KCNN3: variants seen among roughly 807,000 people sequenced by gnomAD.
KCNN3 encodes potassium calcium-activated channel subfamily N member 3.
KCNN3 carries 16 observed loss-of-function variants against 62.9 expected under a neutral mutation model. The ratio of observed to expected loss-of-function variants is 0.25; its 90% CI spans 0.17 to 0.39. The LOEUF (loss-of-function observed/expected upper bound fraction) is 0.39, where lower values mean the gene tolerates loss of function less well. Ranked by LOEUF, KCNN3 falls within the 10% of genes least tolerant of loss-of-function variation. KCNN3 has a pLI of 1.00. For synonymous variants in KCNN3, 370 were observed against 389.2 expected (o/e 0.95, Z 0.58); for missense variants, 599 against 949.4 (o/e 0.63, Z 4.85).
At chr1:154,714,456 TTGTG>T (rs1421922271) in intron 6 of KCNN3, among the ~76,000 whole-genome samples, 16 of 11,194 alleles carry the variant, frequency 1.4e-3, no homozygotes, top group African/African-American at 3.2e-3. Context: ...TGTGTGGTGT[TTGTG>T]TGTGGTGTGT....
intron 3 of KCNN3, among the ~76,000 whole-genome samples, chr1:154,733,626 C>T (rs1051050276): frequency 7.2e-5 from 11 of 152,156 alleles, no homozygotes; most frequent in Non-Finnish European, 1.0e-4. Flanking sequence ...TGGCATCTCC[C>T]GGGGGTCTGG....
chr1:154,865,750 G>A (rs1652925744), intron 1 of KCNN3, among the ~76,000 whole-genome samples: 1 of 152,140 alleles, frequency 6.6e-6, no homozygotes, highest in Non-Finnish European at 1.5e-5. Context: ...TAGGTGAACA[G>A]CAAGGCCACA....
chr1:154,851,589 T>C (rs1182500521), intron 1 of KCNN3, among the ~76,000 whole-genome samples: 1 of 152,206 alleles, frequency 6.6e-6, no homozygotes, highest in African/African-American at 2.4e-5. Context: ...CATCCTTGAC[T>C]TCCCCTTTCT....
At chr1:154,774,543 T>C (rs1648713113) in intron 2 of KCNN3, among the ~76,000 whole-genome samples, 1 of 152,232 alleles carries the variant, frequency 6.6e-6, no homozygotes, top group South Asian at 2.1e-4. Flanking sequence ...ATATGTTCGG[T>C]GTGGGCCTCC....
chr1:154,816,360 T>C (rs573348629), intron 2 of KCNN3, among the ~76,000 whole-genome samples: 1 of 152,242 alleles, frequency 6.6e-6, no homozygotes, highest in Non-Finnish European at 1.5e-5. Flanking sequence ...TAATGATCTC[T>C]GAAGCTCCCA....
chr1:154,746,312 G>C (rs1474526949), intron 3 of KCNN3, among the ~76,000 whole-genome samples: 2 of 152,204 alleles, frequency 1.3e-5, no homozygotes, highest in African/African-American at 4.8e-5. Context: ...GGCTATCTCA[G>C]AGGAGCAGGT....
Position 154,706,344 on chromosome 1 carries a change from A to G in KCNN3, c.*1632T>C, listed in dbSNP as rs1236971288. 2 of 152,198 alleles carry G rather than the reference A, an allele frequency of 1.3e-5. No homozygotes were observed. Among genetic ancestry groups the G allele is most frequent in the Admixed American group, 1.3e-4 (2 of 15,282 alleles). 9.4% of individuals were successfully genotyped at this position (152,198 alleles called of 1,614,324 possible). On this transcript the variant is annotated 3_prime_UTR_variant, in exon 8 of 8. Coordinates refer to ENST00000271915, the MANE Select transcript of KCNN3 (RefSeq NM_002249.6). ...TAAACCCAAGATGACAACCACAAGC[A>G]AAAAAATCACCCTTTTGTTTTACCA...
At chr1:154,847,261 G>A (rs549320644) in intron 1 of KCNN3, among the ~76,000 whole-genome samples, 84 of 152,096 alleles carry the variant, frequency 5.5e-4, no homozygotes, top group African/African-American at 2.0e-3. Flanking sequence ...GAGAGGGAAG[G>A]GGCAGAGCCA....
chr1:154,787,325 GGGACCAGGGCCA>G (rs891528965), intron 2 of KCNN3, among the ~76,000 whole-genome samples: 2 of 152,088 alleles, frequency 1.3e-5, no homozygotes, highest in African/African-American at 4.8e-5. Context: ...TTGGGAGGGA[GGGACCAGGGCCA>G]GGGCCAGGGC....
chr1:154,744,925 CAAAAAAA>C (rs5777930), intron 3 of KCNN3, among the ~76,000 whole-genome samples: 1 of 132,464 alleles, frequency 7.5e-6, no homozygotes, highest in Non-Finnish European at 1.7e-5. Flanking sequence ...CACATTAAGG[CAAAAAAA>C]AAAAAAAAAT....
intron 1 of KCNN3, among the ~76,000 whole-genome samples, chr1:154,834,433 G>T (rs867819135): frequency 6.6e-6 from 1 of 152,210 alleles, no homozygotes; most frequent in Non-Finnish European, 1.5e-5. Flanking sequence ...ATGGTCTAGG[G>T]GGGGTCAGGG....
In KCNN3 at chr1:154,870,134, C is replaced by G; in HGVS notation, c.-170G>C. On this transcript the variant is annotated 5_prime_UTR_variant, in exon 1 of 8. Coordinates refer to ENST00000271915, the MANE Select transcript of KCNN3 (RefSeq NM_002249.6). The stretch of plus-strand genomic sequence containing the variant: ...TCTGGGGCTGCCTGGAGTCCAGACG[C>G]TGCCACTCAAGAATGCATTGTATTG... The G allele has an allele frequency of 1.3e-6, 1 of 784,668 alleles. No individual in the cohort carries two copies. The highest frequency in any genetic ancestry group is 2.2e-6 in the Non-Finnish European group (1 of 448,588). 48.6% of individuals were successfully genotyped at this position (784,668 alleles called of 1,614,324 possible).
chr1:154,866,410 C>G (rs1652958704), intron 1 of KCNN3, among the ~76,000 whole-genome samples: 1 of 152,180 alleles, frequency 6.6e-6, no homozygotes. Context: ...TACTCGACAG[C>G]TGGGGAAACA....
chr1:154,707,955 T>C lies in KCNN3; in HGVS notation c.*21A>G. On this transcript the variant is annotated 3_prime_UTR_variant, in exon 8 of 8. Coordinates refer to ENST00000271915, the MANE Select transcript of KCNN3 (RefSeq NM_002249.6). ...GCATCTTAAGACCTATGGGTAATGC[T>C]TCTGGAGTGGGGAGATTTATTTAGC... 1 of 1,611,720 alleles carries C rather than the reference T, an allele frequency of 6.2e-7. No individual in the cohort carries two copies. Among genetic ancestry groups the C allele is most frequent in the Non-Finnish European group, 8.5e-7 (1 of 1,178,596 alleles).
At chr1:154,781,999 A>G (rs1309750025) in intron 2 of KCNN3, among the ~76,000 whole-genome samples, 1 of 152,240 alleles carries the variant, frequency 6.6e-6, no homozygotes, top group East Asian at 1.9e-4. Context: ...TCTGAATCCA[A>G]AGTGAGCCTT....
intron 2 of KCNN3, among the ~76,000 whole-genome samples, chr1:154,781,549 TA>T (rs1649051738): frequency 6.6e-6 from 1 of 152,216 alleles, no homozygotes; most frequent in African/African-American, 2.4e-5. Context: ...TCCTCCAGCC[TA>T]GGTCTCTGTA....
At chr1:154,768,469 G>C (rs1648396496) in intron 3 of KCNN3, among the ~76,000 whole-genome samples, 1 of 152,216 alleles carries the variant, frequency 6.6e-6, no homozygotes, top group South Asian at 2.1e-4. Context: ...TACTGGGGCT[G>C]CTCTCAGGAT....
chr1:154,792,194 G>T (rs1413178151), intron 2 of KCNN3, among the ~76,000 whole-genome samples: 1 of 152,216 alleles, frequency 6.6e-6, no homozygotes, highest in Non-Finnish European at 1.5e-5. Context: ...AGGGTCAGGT[G>T]GTCACACAGC....
intron 2 of KCNN3, among the ~76,000 whole-genome samples, chr1:154,820,736 G>A (rs1483645592): frequency 6.6e-6 from 1 of 152,162 alleles, no homozygotes; most frequent in Admixed American, 6.5e-5. Flanking sequence ...GTGGCATCTG[G>A]CACAGGCACA....
Sources: allele counts gnomAD v4.1 joint callset (sites outside exome capture counted in the v4.1 genomes callset), GRCh38; gene constraint gnomAD v4.1.1; transcripts MANE v1.5; gene names NCBI Gene and HGNC (gene_info 2026-07-23, HGNC 2026-07-21).